Variants in CCND3 observed in about 807,000 individuals in gnomAD.
CCND3 encodes the protein cyclin D3, also known as G1/S-specific cyclin-D3.
CCND3 carries 9 observed loss-of-function variants against 28.7 expected under a neutral mutation model. The ratio of observed to expected loss-of-function variants is 0.31; its 90% CI spans 0.19 to 0.55. CCND3 has a LOEUF of 0.55. Among genes scored for constraint, CCND3 ranks in the 20% least tolerant of loss-of-function variants. The pLI is 0.93. For synonymous variants in CCND3, 164 were observed against 163.9 expected, an observed-to-expected ratio of 1.00 and a Z score of 0.00; for missense variants, 315 against 385.8, an observed-to-expected ratio of 0.82 and a Z score of 1.54.
At chr6:42,034,446 G>A (rs1187119430) in intron 1 of CCND3, among the ~76,000 whole-genome samples, 1 of 141,810 alleles carries the variant, frequency 7.1e-6, no homozygotes, top group African/African-American at 2.6e-5. Context: ...GTGAGCCACC[G>A]TGCCTGGCCA....
intron 1 of CCND3, among the ~76,000 whole-genome samples, chr6:41,964,330 ATGTGTGTGTGAATGTG>A (rs774997841): frequency 3.2e-5 from 3 of 94,510 alleles, no homozygotes; most frequent in Non-Finnish European, 5.4e-5. Context: ...GTGTGTGTGA[ATGTGTGTGTGAATGTG>A]TGTGAGTCTG....
intron 1 of CCND3, among the ~76,000 whole-genome samples, chr6:41,996,909 C>T (rs559809389): frequency 3.9e-5 from 6 of 152,276 alleles, no homozygotes; most frequent in South Asian, 2.1e-4. Context: ...ATGATCCTCC[C>T]GCCTTGGCCT....
intron 1 of CCND3, among the ~76,000 whole-genome samples, chr6:42,005,925 A>ACCCG (rs1554165444): frequency 6.6e-6 from 1 of 151,878 alleles, no homozygotes; most frequent in Non-Finnish European, 1.5e-5. Flanking sequence ...TCAGGTGATC[A>ACCCG]CCCGCCTCAG....
At chr6:42,024,874 TAGAG>T (rs1481305457) in intron 1 of CCND3, among the ~76,000 whole-genome samples, 5 of 152,022 alleles carry the variant, frequency 3.3e-5, no homozygotes, top group Admixed American at 2.6e-4. Flanking sequence ...GCCTGACTAA[TAGAG>T]AGAAACCCCG....
intron 1 of CCND3, among the ~76,000 whole-genome samples, chr6:42,032,394 G>GT (rs1426849568): frequency 6.6e-6 from 1 of 152,174 alleles, no homozygotes; most frequent in Non-Finnish European, 1.5e-5. Flanking sequence ...AGCTGACAAG[G>GT]TTTTTTCTGC....
chr6:41,964,466 G>A (rs1343196028), intron 1 of CCND3, among the ~76,000 whole-genome samples: 3 of 33,980 alleles, frequency 8.8e-5, no homozygotes, highest in South Asian at 8.7e-4. Flanking sequence ...GTGTGTGAGT[G>A]TGTGTGTGAG....
intron 1 of CCND3, among the ~76,000 whole-genome samples, chr6:41,978,224 A>G (rs558793576): frequency 1.2e-4 from 18 of 151,940 alleles, no homozygotes; most frequent in South Asian, 4.2e-4. Context: ...AATATAAAAA[A>G]TTAGCCGGGC....
At chr6:42,001,962 A>T (rs1322261617) in intron 1 of CCND3, among the ~76,000 whole-genome samples, 1 of 151,602 alleles carries the variant, frequency 6.6e-6, no homozygotes, top group Non-Finnish European at 1.5e-5. Context: ...GAAAAATACA[A>T]AAATTAACCA....
chr6:41,940,281 G>A, intron 2 of CCND3, 89 bp downstream of exon 2: 1 of 1,176,430 alleles, frequency 8.5e-7, no homozygotes, highest in Non-Finnish European at 1.3e-6. Flanking sequence ...CTCTCCAGGG[G>A]GCAGAAAGCC....
intron 1 of CCND3, among the ~76,000 whole-genome samples, chr6:41,997,777 G>A (rs1307706632): frequency 6.6e-6 from 1 of 151,952 alleles, no homozygotes; most frequent in Admixed American, 6.6e-5. Flanking sequence ...CCACCACCCA[G>A]AAGAGCCCCA....
intron 1 of CCND3, among the ~76,000 whole-genome samples, chr6:42,045,415 A>T (rs1302205299): frequency 6.6e-6 from 1 of 152,162 alleles, no homozygotes; most frequent in Non-Finnish European, 1.5e-5. Context: ...TACTACCTAG[A>T]GTTGTGGTGA....
intron 1 of CCND3, among the ~76,000 whole-genome samples, chr6:42,042,424 G>A (rs1449530584): frequency 6.6e-6 from 1 of 151,514 alleles, no homozygotes; most frequent in African/African-American, 2.4e-5. Context: ...GCAATGGCGC[G>A]ATCTCGGCTC....
At chr6:42,000,809 C>T (rs1184782986) in intron 1 of CCND3, among the ~76,000 whole-genome samples, 2 of 151,406 alleles carry the variant, frequency 1.3e-5, no homozygotes, top group Non-Finnish European at 2.9e-5. Flanking sequence ...TCAGGTGATC[C>T]GCCTGCCTCG....
chr6:42,006,778 G>A (rs1278952065), intron 1 of CCND3, among the ~76,000 whole-genome samples: 2 of 151,832 alleles, frequency 1.3e-5, no homozygotes, highest in Non-Finnish European at 2.9e-5. Context: ...CGTGGTGGCG[G>A]GCGCCTGTAG....
chr6:41,976,064 G>A (rs1762173379), intron 1 of CCND3, among the ~76,000 whole-genome samples: 1 of 151,864 alleles, frequency 6.6e-6, no homozygotes, highest in South Asian at 2.1e-4. Context: ...TAAATTAGCT[G>A]GGTCTGGCCG....
chr6:42,019,034 A>C (rs752156236), intron 1 of CCND3, among the ~76,000 whole-genome samples: 6 of 152,126 alleles, frequency 3.9e-5, no homozygotes, highest in Non-Finnish European at 8.8e-5. Flanking sequence ...AAAATACACA[A>C]ATTAGATATT....
chr6:41,960,770 T>G (rs557349562), intron 1 of CCND3, among the ~76,000 whole-genome samples: 1 of 152,242 alleles, frequency 6.6e-6, no homozygotes, highest in East Asian at 1.9e-4. Context: ...AGAGAGCAAA[T>G]TATACCCATT....
intron 1 of CCND3, among the ~76,000 whole-genome samples, chr6:41,988,180 C>T (rs1450360350): frequency 1.3e-5 from 2 of 151,900 alleles, no homozygotes; most frequent in Admixed American, 6.6e-5. Flanking sequence ...GTGGCGCATG[C>T]CTGTAATCCC....
intron 1 of CCND3, among the ~76,000 whole-genome samples, chr6:41,987,308 G>A (rs936103353): frequency 6.6e-6 from 1 of 151,946 alleles, no homozygotes; most frequent in African/African-American, 2.4e-5. Flanking sequence ...TACCTTGGAA[G>A]GACCCCGATA....
Sources: gnomAD v4.1 joint callset for allele counts (sites outside exome capture counted in the v4.1 genomes callset) on GRCh38, gnomAD v4.1.1 for gene constraint, MANE v1.5 for transcripts, NCBI Gene and HGNC (gene_info 2026-07-23, HGNC 2026-07-21) for gene names.